Variants in TMBIM4 observed in about 807,000 individuals in gnomAD.
TMBIM4 encodes the protein protein lifeguard 4.
Under a neutral mutation model 27.7 loss-of-function variants are expected in TMBIM4, and 28 were observed. The observed-to-expected ratio is 1.01, with a 90% CI of 0.75 to 1.38. TMBIM4 has a LOEUF of 1.38. Ranked by LOEUF, TMBIM4 falls within the 40% of genes most tolerant of loss-of-function variation. The pLI, the probability that TMBIM4 is intolerant of heterozygous loss-of-function variation, is 0.00. For synonymous variants in TMBIM4, 115 were observed against 113.1 expected, an observed-to-expected ratio of 1.02 and a Z score of -0.11; for missense variants, 265 against 277.5, an observed-to-expected ratio of 0.95 and a Z score of 0.32.
intron 1 of TMBIM4, among the ~76,000 whole-genome samples, chr12:66,155,335 T>TGAGAGAGAGAGAGAGAGAGAGAGA (rs71697123): frequency 0.033 from 4,273 of 131,366 alleles, 170 homozygotes; most frequent in Middle Eastern, 0.048. Context: ...TGCACACGTG[T>TGAGAGAGAGAGAGAGAGAGAGAGA]GAGAGAGAGA....
chr12:66,168,397 T>C (rs1460482434), intron 1 of TMBIM4, among the ~76,000 whole-genome samples: 5 of 151,638 alleles, frequency 3.3e-5, no homozygotes, highest in Non-Finnish European at 5.9e-5. Context: ...AAGGAAGGAA[T>C]GGGGAGTTAA....
chr12:66,150,147 C>T (rs928181528), intron 3 of TMBIM4, among the ~76,000 whole-genome samples: 2 of 152,196 alleles, frequency 1.3e-5, no homozygotes, highest in African/African-American at 4.8e-5. Flanking sequence ...TTGAACCACA[C>T]CCTCTTCCCA....
chr12:66,160,886 G>A (rs1225072899), intron 1 of TMBIM4, among the ~76,000 whole-genome samples: 1 of 147,950 alleles, frequency 6.8e-6, no homozygotes, highest in African/African-American at 2.5e-5. Context: ...CGGCGGGCGG[G>A]CAGAGGTGCT....
intron 1 of TMBIM4, among the ~76,000 whole-genome samples, chr12:66,165,407 G>C (rs2052108791): frequency 6.7e-6 from 1 of 148,522 alleles, no homozygotes; most frequent in African/African-American, 2.5e-5. Flanking sequence ...ATAAATCCTG[G>C]TATATATGAT....
chr12:66,152,876 G>GT (rs1373479209), intron 2 of TMBIM4, among the ~76,000 whole-genome samples: 2 of 151,836 alleles, frequency 1.3e-5, no homozygotes, highest in East Asian at 3.9e-4. Flanking sequence ...TAACAAAACT[G>GT]TATCATGGAA....
chr12:66,163,535 GA>G (rs2136884345), intron 1 of TMBIM4, among the ~76,000 whole-genome samples: 1 of 152,218 alleles, frequency 6.6e-6, no homozygotes, highest in Admixed American at 6.5e-5. Flanking sequence ...GCAAAAGGGG[GA>G]AAGGGCCCTT....
Position 66,137,778 on chromosome 12 carries a change from G to GT in TMBIM4, c.*181dup. The GT allele has an allele frequency of 1.8e-6, 1 of 569,160 alleles. No homozygotes were observed. Among genetic ancestry groups the GT allele is most frequent in the South Asian group, 2.1e-5 (1 of 46,532 alleles). 35.3% of individuals were successfully genotyped at this position (569,160 alleles called of 1,614,324 possible). On this transcript the variant is annotated 3_prime_UTR_variant, in exon 7 of 7. Coordinates refer to ENST00000358230, the MANE Select transcript of TMBIM4 (RefSeq NM_016056.4). ...TAGAAATGAGGTATCATAAAGAATA[G>GT]TAAGATTTTAAAGCTCTCAAAATTA...
chr12:66,159,112 T>G (rs1185858971), intron 1 of TMBIM4, among the ~76,000 whole-genome samples: 1 of 152,198 alleles, frequency 6.6e-6, no homozygotes, highest in African/African-American at 2.4e-5. Flanking sequence ...TACAGATTAT[T>G]TGGCACTAGC....
chr12:66,139,285 T>C (rs958825370), intron 5 of TMBIM4, among the ~76,000 whole-genome samples: 5 of 152,224 alleles, frequency 3.3e-5, no homozygotes, highest in African/African-American at 1.2e-4. Context: ...AATTGTTATA[T>C]ATAGAGAGTA....
chr12:66,140,904 A>G (rs1449852122), intron 5 of TMBIM4, among the ~76,000 whole-genome samples: 1 of 152,216 alleles, frequency 6.6e-6, no homozygotes, highest in East Asian at 1.9e-4. Flanking sequence ...GGAAACATAT[A>G]CAGAGGAATA....
At chr12:66,167,587 T>C (rs2052152895) in intron 1 of TMBIM4, among the ~76,000 whole-genome samples, 1 of 152,158 alleles carries the variant, frequency 6.6e-6, no homozygotes, top group Non-Finnish European at 1.5e-5. Context: ...ATTTTCATTT[T>C]AAAAAGAAAG....
intron 3 of TMBIM4, among the ~76,000 whole-genome samples, chr12:66,150,383 T>G (rs1414457102): frequency 6.6e-6 from 1 of 151,758 alleles, no homozygotes; most frequent in Non-Finnish European, 1.5e-5. Flanking sequence ...CCTTTCTTCC[T>G]TCCTTCCTTC....
chr12:66,165,420 T>A (rs1184883), intron 1 of TMBIM4, among the ~76,000 whole-genome samples: 2 of 65,000 alleles, frequency 3.1e-5, no homozygotes, highest in South Asian at 9.1e-4. Flanking sequence ...TATATGATCC[T>A]TTTTTTTTTT....
intron 3 of TMBIM4, among the ~76,000 whole-genome samples, chr12:66,148,164 T>G (rs1247385000): frequency 6.6e-6 from 1 of 152,246 alleles, no homozygotes; most frequent in Non-Finnish European, 1.5e-5. Context: ...ACTATGACTC[T>G]TTAAGCTCTA....
intron 1 of TMBIM4, chr12:66,160,115 G>C: frequency 1.5e-6 from 1 of 684,836 alleles, no homozygotes; most frequent in Non-Finnish European, 2.7e-6. Flanking sequence ...GCAGAGTTGA[G>C]GAGCTGCAAC....
intron 5 of TMBIM4, among the ~76,000 whole-genome samples, chr12:66,140,837 AATT>A (rs1489760134): frequency 1.6e-4 from 25 of 152,220 alleles, no homozygotes; most frequent in Non-Finnish European, 1.0e-4. Context: ...ATTTTAATCA[AATT>A]ACTGCAAACC....
Position 66,147,958 on chromosome 12 carries a change from TA to T in TMBIM4, c.313-18del. ...CAACAGCGTCTAATGAAAAGAAACT[TA>T]AATTAGTGACTGTAAAATTTATACT... On this transcript the variant is annotated intron_variant, in intron 3 of 6. Transcript: ENST00000358230. The T allele has an allele frequency of 6.2e-7, 1 of 1,608,050 alleles. No individual in the cohort carries two copies. Among genetic ancestry groups the T allele is most frequent in the Non-Finnish European group, 8.5e-7 (1 of 1,176,418 alleles).
intron 1 of TMBIM4, among the ~76,000 whole-genome samples, chr12:66,161,788 C>T (rs1267674967): frequency 6.6e-6 from 1 of 152,140 alleles, no homozygotes; most frequent in African/African-American, 2.4e-5. Context: ...TAATTCTTTC[C>T]TTAAAACAGT....
At chr12:66,161,589 G>A (rs993441859) in intron 1 of TMBIM4, among the ~76,000 whole-genome samples, 15 of 152,238 alleles carry the variant, frequency 9.9e-5, no homozygotes, top group Admixed American at 2.0e-4. Flanking sequence ...GTAACGCACC[G>A]AAGACAAATG....
Sources: allele counts gnomAD v4.1 joint callset (sites outside exome capture counted in the v4.1 genomes callset), GRCh38; gene constraint gnomAD v4.1.1; transcripts MANE v1.5; gene names NCBI Gene and HGNC (gene_info 2026-07-23, HGNC 2026-07-21).